Variants in MYO1E observed in about 807,000 individuals in gnomAD.
The protein encoded by MYO1E is myosin IE.
Under a neutral mutation model 151.1 loss-of-function variants are expected in MYO1E, and 68 were observed. The observed-to-expected ratio is 0.45, with a 90% CI of 0.37 to 0.55. MYO1E has a LOEUF of 0.55. Ranked by LOEUF, MYO1E falls within the 20% of genes least tolerant of loss-of-function variation. The pLI, the probability that MYO1E is intolerant of heterozygous loss-of-function variation, is 0.00. For missense variants in MYO1E, 1,363 were observed against 1,389.3 expected (o/e 0.98, Z 0.30); for synonymous variants, 601 against 501.7 (o/e 1.20, Z -2.64).
rs1596337437 is a variant in MYO1E, at chr15:59,137,693, A to G, written c.3251-237T>C. Among the ~76,000 whole-genome samples, 4 of 152,178 alleles carry G rather than the reference A, an allele frequency of 2.6e-5. 1 individual carries two copies. In the South Asian group the frequency reaches 8.3e-4, roughly 32 times the overall value. On this transcript the variant is annotated intron_variant, in intron 27 of 27. Coordinates refer to ENST00000288235, the MANE Select transcript of MYO1E (RefSeq NM_004998.4). ...ATTCAAGGTTGTCTTCCTGGCTTCCACTCCATCCACTTTCATTATGAAGAA... is the reference window on the plus strand; with the variant it reads ...ATTCAAGGTTGTCTTCCTGGCTTCCGCTCCATCCACTTTCATTATGAAGAA...
chr15:59,316,161 A>G (rs1277982934), intron 1 of MYO1E, among the ~76,000 whole-genome samples: 4 of 152,228 alleles, frequency 2.6e-5, no homozygotes, highest in Non-Finnish European at 4.4e-5. Flanking sequence ...GCCAGAGTGC[A>G]ACAATCTCTC....
intron 1 of MYO1E, among the ~76,000 whole-genome samples, chr15:59,339,903 G>A (rs1369221805): frequency 4.7e-5 from 7 of 150,412 alleles, no homozygotes; most frequent in African/African-American, 9.8e-5. Context: ...CCTGGAATGC[G>A]GTGGCACAAT....
chr15:59,141,537 G>C (rs191019806), intron 26 of MYO1E, among the ~76,000 whole-genome samples: 4 of 152,240 alleles, frequency 2.6e-5, no homozygotes, highest in Admixed American at 2.6e-4. Flanking sequence ...GGTGGCTCAC[G>C]CCTATAATCC....
At chr15:59,351,198 C>G (rs1028631362) in intron 1 of MYO1E, among the ~76,000 whole-genome samples, 1 of 151,846 alleles carries the variant, frequency 6.6e-6, no homozygotes, top group African/African-American at 2.4e-5. Context: ...CGCACCCGGC[C>G]TTACTTGGTT....
intron 3 of MYO1E, among the ~76,000 whole-genome samples, chr15:59,257,907 T>C (rs1464811562): frequency 6.6e-6 from 1 of 152,212 alleles, no homozygotes; most frequent in Non-Finnish European, 1.5e-5. Context: ...AGGATTATTA[T>C]AATTATTATT....
intron 19 of MYO1E, among the ~76,000 whole-genome samples, chr15:59,177,334 A>G (rs534215521): frequency 2.0e-5 from 3 of 152,314 alleles, no homozygotes; most frequent in African/African-American, 7.2e-5. Flanking sequence ...AGCCATTATC[A>G]TTCCTGAGTC....
At chr15:59,229,175 T>A (rs1242600992) in intron 6 of MYO1E, among the ~76,000 whole-genome samples, 1 of 152,100 alleles carries the variant, frequency 6.6e-6, no homozygotes. Context: ...AAACAGAACA[T>A]CTGACCCAGG....
intron 1 of MYO1E, among the ~76,000 whole-genome samples, chr15:59,351,099 C>G (rs1384302387): frequency 6.6e-6 from 1 of 152,186 alleles, no homozygotes; most frequent in East Asian, 1.9e-4. Context: ...CAGGGTTTCA[C>G]CGTGTTAGCC....
At chr15:59,215,256 A>G (rs899639457) in intron 10 of MYO1E, among the ~76,000 whole-genome samples, 7 of 152,218 alleles carry the variant, frequency 4.6e-5, no homozygotes, top group African/African-American at 1.7e-4. Context: ...TAATAGAAGC[A>G]GCTTACGTCT....
chr15:59,155,295 C>T (rs1177609315), intron 25 of MYO1E, among the ~76,000 whole-genome samples: 1 of 152,214 alleles, frequency 6.6e-6, no homozygotes, highest in Non-Finnish European at 1.5e-5. Flanking sequence ...CCTGTTGCAT[C>T]TTATAATAAG....
At chr15:59,288,124 G>A (rs577013745) in intron 1 of MYO1E, among the ~76,000 whole-genome samples, 15 of 152,142 alleles carry the variant, frequency 9.9e-5, no homozygotes, top group African/African-American at 2.6e-4. Flanking sequence ...GTCACTCACC[G>A]ACTCACCAAA....
chr15:59,270,467 G>A (rs932655897), intron 2 of MYO1E, among the ~76,000 whole-genome samples: 20 of 151,084 alleles, frequency 1.3e-4, no homozygotes, highest in African/African-American at 1.7e-4. Flanking sequence ...CACCTGAGCC[G>A]GGGAGGCGGA....
At chr15:59,175,225 C>A (rs2079617625) in intron 19 of MYO1E, among the ~76,000 whole-genome samples, 1 of 152,228 alleles carries the variant, frequency 6.6e-6, no homozygotes, top group Non-Finnish European at 1.5e-5. Context: ...TAAATCTGCA[C>A]TTGATCCACT....
intron 18 of MYO1E, among the ~76,000 whole-genome samples, chr15:59,183,626 C>T (rs1210375885): frequency 6.6e-6 from 1 of 152,180 alleles, no homozygotes; most frequent in Admixed American, 6.5e-5. Flanking sequence ...GGAATAACCA[C>T]ATCATGGAAA....
At chr15:59,310,376 T>C (rs1440782855) in intron 1 of MYO1E, among the ~76,000 whole-genome samples, 133 of 152,146 alleles carry the variant, frequency 8.7e-4, no homozygotes, top group Admixed American at 6.5e-5. Flanking sequence ...TCTTTGCGGA[T>C]AGAATCAAGT....
At chr15:59,361,229 A>C (rs1291947783) in intron 1 of MYO1E, among the ~76,000 whole-genome samples, 1 of 152,212 alleles carries the variant, frequency 6.6e-6, no homozygotes, top group Non-Finnish European at 1.5e-5. Context: ...TGATTGAATG[A>C]ACCAGCTGAG....
At chr15:59,200,901 G>A (rs926446745) in intron 16 of MYO1E, among the ~76,000 whole-genome samples, 2 of 152,142 alleles carry the variant, frequency 1.3e-5, no homozygotes, top group African/African-American at 4.8e-5. Flanking sequence ...AGCACACAGC[G>A]AGGAAAAGCC....
At chr15:59,158,534 G>C (rs190080334) in intron 24 of MYO1E, among the ~76,000 whole-genome samples, 155 bp from the exon 25 acceptor site, 150 of 152,300 alleles carry the variant, frequency 9.8e-4, no homozygotes, top group African/African-American at 3.2e-3. Flanking sequence ...AGCCGTTGAG[G>C]GAAGTATGTA....
intron 2 of MYO1E, among the ~76,000 whole-genome samples, chr15:59,271,870 T>C (rs993409210): frequency 2.6e-4 from 39 of 152,250 alleles, no homozygotes; most frequent in Non-Finnish European, 4.4e-5. Flanking sequence ...AGATACCACG[T>C]GCATGACTAG....
Sources: allele counts gnomAD v4.1 joint callset (sites outside exome capture counted in the v4.1 genomes callset), GRCh38; gene constraint gnomAD v4.1.1; transcripts MANE v1.5; gene names NCBI Gene and HGNC (gene_info 2026-07-23, HGNC 2026-07-21).